Variants in TMEM9 observed in about 807,000 individuals in gnomAD.
The protein encoded by TMEM9 is proton-transporting V-type ATPase complex assembly regulator TMEM9.
Under a neutral mutation model 22.8 loss-of-function variants are expected in TMEM9, and 13 were observed. The ratio of observed to expected loss-of-function variants is 0.57; its 90% CI spans 0.37 to 0.91. The LOEUF (loss-of-function observed/expected upper bound fraction) is 0.91. Ranked by LOEUF, TMEM9 falls within the 40% of genes least tolerant of loss-of-function variation. The probability of loss-of-function intolerance (pLI) is 0.01; values close to 1 mark genes in which losing one functional copy is unlikely to be tolerated. For synonymous variants in TMEM9, 88 were observed against 93.0 expected (o/e 0.95, Z 0.31); for missense variants, 182 against 238.1 (o/e 0.76, Z 1.55).
intron 1 of TMEM9, among the ~76,000 whole-genome samples, chr1:201,160,445 C>T (rs1012550057): frequency 9.9e-5 from 15 of 152,012 alleles, no homozygotes; most frequent in African/African-American, 3.4e-4. Context: ...CAAAATTAGC[C>T]AGGCATGGTG....
Position 201,167,608 on chromosome 1 carries a change from G to C in TMEM9, c.-37+3882C>G, listed in dbSNP as rs568313503. On this transcript the variant is annotated intron_variant, in intron 1 of 5. Coordinates refer to the TMEM9 transcript ENST00000367333. ...ATGTCTACACCTTAGCTGAATTCAGGCTTCTCTATCCTGCTAGCCTGGTGG... is the reference window on the plus strand; with the variant it reads ...ATGTCTACACCTTAGCTGAATTCAGCCTTCTCTATCCTGCTAGCCTGGTGG... 4.6e-5 allele frequency among the ~76,000 whole-genome samples: 7 copies of C among 152,304 alleles called. No homozygotes were observed. In the East Asian group the frequency reaches 1.2e-3, roughly 25 times the overall value.
rs766983284 is a variant in TMEM9, at chr1:201,146,851, A to G, written c.159-3T>C. ...GCTCCACCACGTGCAGGCAGTTGCTACAACAGAGAGAGACAGGGCTGTCGA... is the reference window on the plus strand; with the variant it reads ...GCTCCACCACGTGCAGGCAGTTGCTGCAACAGAGAGAGACAGGGCTGTCGA... On this transcript the variant is annotated splice_polypyrimidine_tract_variant and splice_region_variant and intron_variant, in intron 2 of 4. Coordinates refer to ENST00000367330, the MANE Select transcript of TMEM9 (RefSeq NM_001288565.2). The G allele has an allele frequency of 1.2e-6, 2 of 1,613,986 alleles. No individual in the cohort carries two copies. Among genetic ancestry groups the G allele is most frequent in the Non-Finnish European group, 1.7e-6 (2 of 1,179,904 alleles).
At chr1:201,144,731 A>G (rs113433287) in intron 3 of TMEM9, 76 of 152,258 alleles carry the variant, frequency 5.0e-4, no homozygotes, top group African/African-American at 1.7e-3. Flanking sequence ...TTGGTAATAC[A>G]CCTGTTATTG....
Position 201,134,819 on chromosome 1 carries a change from A to C in TMEM9, c.*844T>G, listed in dbSNP as rs956152628. 11 of 152,746 alleles carry C rather than the reference A, an allele frequency of 7.2e-5. No homozygotes were observed. The Admixed American group carries it at 7.2e-4, about 10-fold the overall frequency. The allele number at this position is 152,746 out of a possible 1,614,324, so 9.5% of individuals were successfully genotyped here. ...TGATGGCTTCCTTGATTTACACACAACTCTAAGACAAGAGGACAAAATTTT... is the reference window on the plus strand; with the variant it reads ...TGATGGCTTCCTTGATTTACACACACCTCTAAGACAAGAGGACAAAATTTT... On this transcript the variant is annotated 3_prime_UTR_variant, in exon 5 of 5. Coordinates refer to ENST00000367330, the MANE Select transcript of TMEM9 (RefSeq NM_001288565.2).
At chr1:201,151,935 T>C in intron 1 of TMEM9, 83 bp from the exon 2 acceptor site, 1 of 1,018,414 alleles carries the variant, frequency 9.8e-7, no homozygotes, top group South Asian at 1.3e-5. Context: ...TTGTCAACTT[T>C]CTGTTCCCCA....
In TMEM9 at chr1:201,153,949, A is replaced by G. The variant is rs1193164501; in HGVS notation, c.-26T>C. ...GCTTATCAGGCTTGCTGGGCCAGCA[A>G]AGCCGGACACCTGGAAAAAGAGATA... On this transcript the variant is annotated 5_prime_UTR_variant, in exon 1 of 5. Transcript: ENST00000367330. The G allele has an allele frequency of 2.5e-6, 4 of 1,594,076 alleles. No individual in the cohort carries two copies. In the South Asian group the frequency reaches 4.5e-5, roughly 18 times the overall value.
intron 4 of TMEM9, among the ~76,000 whole-genome samples, 177 bp downstream of exon 4, chr1:201,143,643 T>C (rs1214302396): frequency 6.6e-6 from 1 of 152,230 alleles, no homozygotes; most frequent in African/African-American, 2.4e-5. Flanking sequence ...CTGCTTCATC[T>C]GGAAGGGCAA....
chr1:201,140,198 G>A (rs1266460048), intron 4 of TMEM9, among the ~76,000 whole-genome samples: 3 of 152,150 alleles, frequency 2.0e-5, no homozygotes, highest in Non-Finnish European at 2.9e-5. Context: ...CCCAAAGGGG[G>A]CCCAGAACTC....
intron 4 of TMEM9, among the ~76,000 whole-genome samples, chr1:201,138,509 CCTCT>C (rs1664209155): frequency 6.6e-6 from 1 of 152,192 alleles, no homozygotes; most frequent in African/African-American, 2.4e-5. Flanking sequence ...CTCCCCTCTC[CCTCT>C]GAGGCTGGGC....
At chr1:201,168,817 G>A (rs1666143364) in intron 1 of TMEM9, among the ~76,000 whole-genome samples, 1 of 151,532 alleles carries the variant, frequency 6.6e-6, no homozygotes, top group African/African-American at 2.4e-5. Context: ...TTCTAGACAA[G>A]GTTTCACTGT....
chr1:201,151,202 A>C (rs10753894), intron 2 of TMEM9, among the ~76,000 whole-genome samples: 2 of 152,190 alleles, frequency 1.3e-5, no homozygotes, highest in Admixed American at 6.5e-5. Flanking sequence ...ACAATGTGCT[A>C]AAACTTCCCT....
At chr1:201,159,973 G>C (rs1665902011) in intron 1 of TMEM9, among the ~76,000 whole-genome samples, 1 of 152,224 alleles carries the variant, frequency 6.6e-6, no homozygotes, top group South Asian at 2.1e-4. Flanking sequence ...TCCTGGTTCA[G>C]CTCCCACCAC....
intron 4 of TMEM9, among the ~76,000 whole-genome samples, chr1:201,139,322 C>T (rs1045826434): frequency 2.6e-5 from 4 of 152,332 alleles, no homozygotes; most frequent in Admixed American, 2.0e-4. Flanking sequence ...TAGTGCAAAG[C>T]CCTTCAGCAA....
chr1:201,149,718 C>T (rs780688796), intron 2 of TMEM9, among the ~76,000 whole-genome samples: 1 of 152,178 alleles, frequency 6.6e-6, no homozygotes, highest in Non-Finnish European at 1.5e-5. Context: ...TTAGCATGGA[C>T]CAACGTGACA....
Position 201,135,627 on chromosome 1 carries a change from T to G in TMEM9, c.*36A>C. 1 of 1,541,486 alleles carries G rather than the reference T, an allele frequency of 6.5e-7. No individual in the cohort carries two copies. The highest frequency in any genetic ancestry group is 1.2e-5 in the South Asian group (1 of 80,950). On this transcript the variant is annotated 3_prime_UTR_variant, in exon 5 of 5. Transcript: ENST00000367330. ...TGTCCAGCCTGGAAGCTGGCAGCCA[T>G]GGTGTTGGGGCCTTGACCCAACCAC...
chr1:201,152,161 G>GGTGTGTGTGTGTGT (rs3222916), intron 1 of TMEM9, among the ~76,000 whole-genome samples: 1 of 149,960 alleles, frequency 6.7e-6, no homozygotes, highest in African/African-American at 2.4e-5. Flanking sequence ...AGGGGAAATG[G>GGTGTGTGTGTGTGT]GTGTGTGTGT....
At chr1:201,135,903 C>T in intron 4 of TMEM9, 88 bp from the exon 5 acceptor site, 2 of 1,366,202 alleles carry the variant, frequency 1.5e-6, no homozygotes, top group Middle Eastern at 1.9e-4. Flanking sequence ...AAGAACGAAC[C>T]CCAAAGCCTT....
intron 4 of TMEM9, among the ~76,000 whole-genome samples, chr1:201,137,631 T>C (rs1664124806): frequency 6.6e-6 from 1 of 152,244 alleles, no homozygotes; most frequent in African/African-American, 2.4e-5. Context: ...ATTCATTTCA[T>C]GACCTAATGG....
At chr1:201,150,162 T>C (rs1665307074) in intron 2 of TMEM9, among the ~76,000 whole-genome samples, 2 of 152,212 alleles carry the variant, frequency 1.3e-5, no homozygotes, top group Admixed American at 1.3e-4. Context: ...GTTTGGGATA[T>C]AGCCTTGTTA....
Sources: gnomAD v4.1 joint callset for allele counts (sites outside exome capture counted in the v4.1 genomes callset) on GRCh38, gnomAD v4.1.1 for gene constraint, MANE v1.5 for transcripts, NCBI Gene and HGNC (gene_info 2026-07-23, HGNC 2026-07-21) for gene names.